CIB4: variants seen among roughly 807,000 people sequenced by gnomAD.
The protein encoded by CIB4 is calcium and integrin-binding family member 4.
In CIB4, 25 loss-of-function variants were observed where a neutral mutation model predicts 25.8. The ratio of observed to expected loss-of-function variants is 0.97; its 90% CI spans 0.71 to 1.35. The LOEUF is 1.35. CIB4 is among the 40% of genes most tolerant of loss of function. The probability of loss-of-function intolerance (pLI) is 0.00; values close to 1 mark genes in which losing one functional copy is unlikely to be tolerated. For missense variants in CIB4, 235 were observed against 228.2 expected, an observed-to-expected ratio of 1.03 and a Z score of -0.19; for synonymous variants, 75 against 81.4, an observed-to-expected ratio of 0.92 and a Z score of 0.42.
intron 3 of CIB4, among the ~76,000 whole-genome samples, chr2:26,615,569 C>G (rs575987726): frequency 9.1e-6 from 1 of 109,352 alleles, no homozygotes; most frequent in African/African-American, 3.8e-5. Context: ...AAAGCTAAAA[C>G]TAGAGCCCTG....
At chr2:26,589,134 C>T (rs1022374509) in intron 4 of CIB4, among the ~76,000 whole-genome samples, 8 of 132,056 alleles carry the variant, frequency 6.1e-5, no homozygotes, top group Admixed American at 5.3e-4. Context: ...TCTTCTTCTT[C>T]TTCTTCTCCT....
intron 4 of CIB4, among the ~76,000 whole-genome samples, chr2:26,585,372 G>C (rs371273117): frequency 7.5e-4 from 114 of 152,046 alleles, no homozygotes; most frequent in African/African-American, 2.5e-3. Context: ...GGAGGGCCTG[G>C]GTGGAGAAGC....
At chr2:26,588,178 C>A (rs546171079) in intron 4 of CIB4, among the ~76,000 whole-genome samples, 3 of 152,368 alleles carry the variant, frequency 2.0e-5, no homozygotes, top group South Asian at 2.1e-4. Flanking sequence ...CTGCTGGGAA[C>A]CTCTGCAGCC....
chr2:26,589,078 T>TTCTTCTTCTTCTTCTTCTTCC (rs1668525760), intron 4 of CIB4, among the ~76,000 whole-genome samples: 2 of 32,574 alleles, frequency 6.1e-5, no homozygotes, highest in East Asian at 9.1e-4. Flanking sequence ...CTTCCTCTTC[T>TTCTTCTTCTTCTTCTTCTTCC]TCTTCTTCTT....
intron 3 of CIB4, 114 bp from the exon 4 acceptor site, chr2:26,595,431 G>A (rs1668664927): frequency 4.2e-6 from 5 of 1,177,204 alleles, no homozygotes; most frequent in Non-Finnish European, 6.0e-6. Flanking sequence ...GAAGACAACA[G>A]CCACAATGTA....
chr2:26,588,886 G>A (rs558153130), intron 4 of CIB4, among the ~76,000 whole-genome samples: 2 of 152,266 alleles, frequency 1.3e-5, no homozygotes, highest in East Asian at 1.9e-4. Context: ...GGAGACCAGA[G>A]TGTCTCTCAG....
chr2:26,601,043 G>A (rs1170127284), intron 3 of CIB4, among the ~76,000 whole-genome samples: 1 of 151,602 alleles, frequency 6.6e-6, no homozygotes, highest in Admixed American at 6.6e-5. Context: ...AACATAATGA[G>A]ACCCTGTCTC....
rs1558554763 is a variant in CIB4 at position 26,589,048 on chromosome 2, TTCTTCTTCTTCCTCTTCC to T, written c.329-5168_329-5151del. On this transcript the variant is annotated intron_variant, in intron 4 of 6. Coordinates refer to ENST00000288861, the MANE Select transcript of CIB4 (RefSeq NM_001029881.3). Reference sequence around the variant, plus strand: ...CTTCTTCTTCTTCTTCTTCTTCTTCTTCTTCTTCTTCCTCTTCCTCTTCCTCTTCTTCTTCTTCTTCTT... The same window carrying T: ...CTTCTTCTTCTTCTTCTTCTTCTTCTTCTTCCTCTTCTTCTTCTTCTTCTT... Among the ~76,000 whole-genome samples the T allele has an allele frequency of 1.2e-3, 60 of 48,936 alleles. 1 individual carries two copies. Among genetic ancestry groups the T allele is most frequent in the Non-Finnish European group, 1.8e-3 (45 of 24,678 alleles). 32.1% of individuals were successfully genotyped at this position (48,936 alleles called of 152,430 possible). A position where few individuals can be genotyped will look rare whatever the true frequency, so the allele number is the denominator to read the frequency against.
At chr2:26,617,049 C>T (rs956710395) in intron 3 of CIB4, among the ~76,000 whole-genome samples, 4 of 151,916 alleles carry the variant, frequency 2.6e-5, no homozygotes, top group Admixed American at 6.6e-5. Flanking sequence ...CTGCTCTACC[C>T]ATTTTACAGG....
intron 4 of CIB4, 126 bp from the exon 5 acceptor site, chr2:26,584,024 C>T: frequency 1.6e-6 from 1 of 628,686 alleles, no homozygotes; most frequent in Non-Finnish European, 2.9e-6. Flanking sequence ...TCTGGGAGGC[C>T]CCCCAGAGCC....
At chr2:26,588,024 C>T (rs970453224) in intron 4 of CIB4, among the ~76,000 whole-genome samples, 1 of 152,226 alleles carries the variant, frequency 6.6e-6, no homozygotes, top group Non-Finnish European at 1.5e-5. Flanking sequence ...TGGCTGAATG[C>T]TTGTCAGTGT....
chr2:26,583,071 G>T (rs1668382347), intron 5 of CIB4, among the ~76,000 whole-genome samples, 158 bp from the exon 6 acceptor site: 2 of 152,144 alleles, frequency 1.3e-5, no homozygotes, highest in South Asian at 4.2e-4. Context: ...CAGAGATTAG[G>T]TTATGTGCAC....
chr2:26,623,775 C>T (rs765803848), intron 3 of CIB4: 10 of 290,744 alleles, frequency 3.4e-5, no homozygotes, highest in Non-Finnish European at 7.1e-5. Flanking sequence ...CAGGCCTCCA[C>T]CCTACCTGCT....
chr2:26,602,361 G>A (rs775636178), intron 3 of CIB4, among the ~76,000 whole-genome samples: 1 of 152,142 alleles, frequency 6.6e-6, no homozygotes, highest in Admixed American at 6.5e-5. Context: ...ATTCTAGGGA[G>A]TGTATTCTAG....
At chr2:26,636,541 G>A (rs1669535441) in intron 2 of CIB4, among the ~76,000 whole-genome samples, 1 of 152,108 alleles carries the variant, frequency 6.6e-6, no homozygotes, top group Admixed American at 6.5e-5. Context: ...TCATCCTTCA[G>A]CTTCCCTTCA....
intron 3 of CIB4, among the ~76,000 whole-genome samples, chr2:26,600,044 G>A (rs986849584): frequency 7.5e-6 from 1 of 132,552 alleles, no homozygotes; most frequent in East Asian, 2.0e-4. Context: ...CTGCACTCCA[G>A]CCTGGTGACA....
intron 2 of CIB4, among the ~76,000 whole-genome samples, chr2:26,637,076 G>C (rs1044968155): frequency 1.3e-5 from 2 of 152,166 alleles, no homozygotes; most frequent in Non-Finnish European, 2.9e-5. Flanking sequence ...GTGGCCCTGA[G>C]TCAGGGGCCT....
chr2:26,628,252 C>T (rs1558572739), intron 3 of CIB4, among the ~76,000 whole-genome samples: 1 of 152,164 alleles, frequency 6.6e-6, no homozygotes, highest in Non-Finnish European at 1.5e-5. Flanking sequence ...AGGGCCTCTT[C>T]ATAACAGGGA....
intron 3 of CIB4, among the ~76,000 whole-genome samples, chr2:26,610,360 G>C (rs1668975473): frequency 6.6e-6 from 1 of 152,152 alleles, no homozygotes. Context: ...CTCACCAATA[G>C]CCGCCTCTCC....
Sources: gnomAD v4.1 joint callset for allele counts (sites outside exome capture counted in the v4.1 genomes callset) on GRCh38, gnomAD v4.1.1 for gene constraint, MANE v1.5 for transcripts, NCBI Gene and HGNC (gene_info 2026-07-23, HGNC 2026-07-21) for gene names.